Variants in BMPR2 observed in about 807,000 individuals in gnomAD.
BMPR2 encodes bone morphogenetic protein receptor type-2.
In BMPR2, 29 loss-of-function variants were observed where a neutral mutation model predicts 100.8. The observed-to-expected ratio is 0.29, with a 90% CI of 0.21 to 0.39. The LOEUF is 0.39. Among genes scored for constraint, BMPR2 ranks in the 10% least tolerant of loss-of-function variants. BMPR2 has a pLI of 1.00. For missense variants in BMPR2, 1,011 were observed against 1,274.5 expected (o/e 0.79, Z 3.15); for synonymous variants, 382 against 442.3 (o/e 0.86, Z 1.71).
chr2:202,478,757 C>T (rs538815510), intron 3 of BMPR2, among the ~76,000 whole-genome samples: 32 of 152,014 alleles, frequency 2.1e-4, no homozygotes, highest in African/African-American at 6.7e-4. Flanking sequence ...AAAAACAAAA[C>T]GAAATGAAAG....
intron 1 of BMPR2, among the ~76,000 whole-genome samples, chr2:202,406,149 T>C (rs1690886712): frequency 6.6e-6 from 1 of 152,218 alleles, no homozygotes; most frequent in Non-Finnish European, 1.5e-5. Flanking sequence ...CTACCTTTAC[T>C]TTTATGTTAT....
At chr2:202,541,509 G>T (rs558773960) in intron 9 of BMPR2, among the ~76,000 whole-genome samples, 146 of 152,216 alleles carry the variant, frequency 9.6e-4, no homozygotes, top group African/African-American at 3.3e-3. Flanking sequence ...ATTTGATACA[G>T]TCTGGCTGGA....
At chr2:202,512,678 C>G (rs557085145) in intron 3 of BMPR2, among the ~76,000 whole-genome samples, 1 of 152,264 alleles carries the variant, frequency 6.6e-6, no homozygotes, top group South Asian at 2.1e-4. Flanking sequence ...CGATCTGACC[C>G]ACAGAATGGA....
intron 1 of BMPR2, among the ~76,000 whole-genome samples, chr2:202,454,284 T>C (rs1692045666): frequency 6.6e-6 from 1 of 152,100 alleles, no homozygotes; most frequent in Non-Finnish European, 1.5e-5. Context: ...TTGCCCAGGC[T>C]GGTCTCAAAC....
chr2:202,380,157 C>T (rs1448274528), intron 1 of BMPR2, among the ~76,000 whole-genome samples: 1 of 151,532 alleles, frequency 6.6e-6, no homozygotes, highest in Non-Finnish European at 1.5e-5. Context: ...TGAGCCACCA[C>T]ACCCCGCCTA....
chr2:202,377,485 C>T lies in BMPR2; in HGVS notation c.11C>T (p.Ser4Leu), dbSNP rs922087863. 1.9e-6 allele frequency: 3 copies of T among 1,614,250 alleles called. No homozygotes were observed. Among genetic ancestry groups the T allele is most frequent in the South Asian group, 2.2e-5 (2 of 91,086 alleles). The stretch of plus-strand genomic sequence containing the variant: ...TTGGCTGGCCCAGGGATGACTTCCT[C>T]GCTGCAGCGGCCCTGGCGGGTGCCC... The part of the protein sequence containing the change: MTS[S>L]LQRPWRVPWL... The change falls in exon 1 of 13, where the codon TCG (serine) becomes TTG (leucine). Residue 4 changes from serine to leucine, a missense_variant. By Grantham distance (145) the Ser-to-Leu change is moderately radical. Transcript: ENST00000374580.
intron 3 of BMPR2, among the ~76,000 whole-genome samples, chr2:202,496,555 A>G (rs1157732782): frequency 6.6e-6 from 1 of 152,226 alleles, no homozygotes; most frequent in Non-Finnish European, 1.5e-5. Flanking sequence ...TTGTTCACTG[A>G]AATGTTTTGA....
chr2:202,440,166 C>G (rs1358200044), intron 1 of BMPR2, among the ~76,000 whole-genome samples: 5 of 150,852 alleles, frequency 3.3e-5, no homozygotes, highest in African/African-American at 5.0e-5. Context: ...CTTTTCCCCA[C>G]ATTTCCCCCT....
rs186498693 is a variant in BMPR2 at position 202,487,607 on chromosome 2, G to T, written c.418+19918G>T. 3.1e-3 allele frequency among the ~76,000 whole-genome samples: 472 copies of T among 152,280 alleles called. 2 individuals carry two copies. The highest frequency in any genetic ancestry group is 4.9e-3 in the Non-Finnish European group (333 of 68,028). On this transcript the variant is annotated intron_variant, in intron 3 of 12. Transcript: ENST00000374580. ...TGTTCTATTCTGAAGGGTTTACTTT[G>T]CCTGTATTGCACCACAATCAAGTTA...
intron 5 of BMPR2, among the ~76,000 whole-genome samples, chr2:202,516,311 T>C (rs894601050): frequency 6.6e-6 from 1 of 152,130 alleles, no homozygotes; most frequent in African/African-American, 2.4e-5. Context: ...ATTTCAACAT[T>C]TCAACATATA....
rs986134798 is a variant in BMPR2, at chr2:202,467,598, G to A, written c.327G>A (p.Gln109=). ...CVVTTTPPSI[Q]NGTYRFCCCS... is the part of the protein sequence containing the mutation. ...TAACTACCACTCCTCCCTCAATTCA[G>A]AATGGAACATACCGTTTCTGCTGTT... The change falls in exon 3 of 13, where the codon CAG becomes CAA. Residue 109 remains glutamine (Q), a synonymous_variant. Transcript: ENST00000374580. 1.3e-6 allele frequency: 2 copies of A among 1,596,890 alleles called. No individual in the cohort carries two copies. The highest frequency in any genetic ancestry group is 2.2e-5 in the South Asian group (2 of 90,742).
chr2:202,487,834 A>G (rs947738149), intron 3 of BMPR2, among the ~76,000 whole-genome samples: 3 of 152,136 alleles, frequency 2.0e-5, no homozygotes, highest in Non-Finnish European at 4.4e-5. Context: ...CCCCACCCTC[A>G]AGATTTTTTT....
intron 11 of BMPR2, among the ~76,000 whole-genome samples, chr2:202,554,754 G>A (rs1017751779): frequency 6.6e-6 from 1 of 152,166 alleles, no homozygotes; most frequent in Non-Finnish European, 1.5e-5. Context: ...CCTCTTAATG[G>A]AGGCCTTTGG....
intron 1 of BMPR2, among the ~76,000 whole-genome samples, chr2:202,384,530 CTCTT>C (rs202188126): frequency 8.4e-5 from 9 of 107,596 alleles, no homozygotes; most frequent in African/African-American, 1.3e-4. Context: ...TTCTTTCTTT[CTCTT>C]TCTTTCTTTC....
intron 3 of BMPR2, among the ~76,000 whole-genome samples, chr2:202,506,359 T>C (rs1687520264): frequency 6.6e-6 from 1 of 152,072 alleles, no homozygotes; most frequent in Admixed American, 6.6e-5. Context: ...GGTTTCGCCA[T>C]GTTGGCCAGC....
At chr2:202,520,690 G>A (rs1182976400) in intron 7 of BMPR2, 2 of 161,600 alleles carry the variant, frequency 1.2e-5, no homozygotes, top group Non-Finnish European at 2.7e-5. Flanking sequence ...ACCTCAAGGT[G>A]TTTGATAGAA....
At chr2:202,411,335 A>T (rs1024615154) in intron 1 of BMPR2, among the ~76,000 whole-genome samples, 3 of 152,352 alleles carry the variant, frequency 2.0e-5, no homozygotes, top group African/African-American at 7.2e-5. Context: ...CCATCTAAAG[A>T]TTTACAAAGG....
chr2:202,524,732 G>C (rs1401174872), intron 7 of BMPR2, among the ~76,000 whole-genome samples: 1 of 152,168 alleles, frequency 6.6e-6, no homozygotes. Context: ...AGCAGACCAA[G>C]ACTGTGTCTG....
At chr2:202,507,678 T>G (rs1322800587) in intron 3 of BMPR2, among the ~76,000 whole-genome samples, 1 of 151,652 alleles carries the variant, frequency 6.6e-6, no homozygotes, top group African/African-American at 2.4e-5. Context: ...CATGAACTAC[T>G]GTTGCCTGGC....
Sources: allele counts gnomAD v4.1 joint callset (sites outside exome capture counted in the v4.1 genomes callset), GRCh38; gene constraint gnomAD v4.1.1; transcripts MANE v1.5; gene names NCBI Gene and HGNC (gene_info 2026-07-23, HGNC 2026-07-21).